POLRMT: variants seen among roughly 807,000 people sequenced by gnomAD.
POLRMT encodes RNA polymerase mitochondrial, also known as DNA-directed RNA polymerase, mitochondrial.
POLRMT carries 114 observed loss-of-function variants against 132.2 expected under a neutral mutation model. That is an observed-to-expected ratio of 0.86 (90% CI 0.74 to 1.01). The LOEUF is 1.01. Ranked by LOEUF, POLRMT falls within the 50% of genes least tolerant of loss-of-function variation. The pLI is 0.00. For synonymous variants in POLRMT, 1,020 were observed against 773.4 expected (o/e 1.32, Z -5.29); for missense variants, 2,003 against 1,729.1 (o/e 1.16, Z -2.81).
rs746830362 is a variant in POLRMT, at chr19:621,748, G to A, written c.1950C>T (p.Cys650=). The stretch of plus-strand genomic sequence containing the variant: ...GCGGCGATGTCCAGGGCAGCGGGGG[G>A]CAAAGCATGGGTACATCCACCGCCT... ...TFEAVDVPML[C]PPLPWTSPHS... is the part of the protein sequence containing the mutation. Residue 650 remains cysteine (C), a synonymous_variant, in exon 10 of 21, where the codon TGC becomes TGT. Coordinates refer to ENST00000588649, the MANE Select transcript of POLRMT (RefSeq NM_005035.4). The A allele has an allele frequency of 6.2e-6, 10 of 1,600,678 alleles. No individual in the cohort carries two copies. Among genetic ancestry groups the A allele is most frequent in the South Asian group, 3.3e-5 (3 of 90,996 alleles).
intron 4 of POLRMT, 26 bp from the exon 5 acceptor site, chr19:624,931 G>C: frequency 6.3e-7 from 1 of 1,587,598 alleles, no homozygotes; most frequent in Non-Finnish European, 8.6e-7. Flanking sequence ...CCTGCTCGAG[G>C]GACGGGCCAG....
rs113530246 is a variant in POLRMT at position 619,569 on chromosome 19, C to T, written c.3066+17G>A. 116 of 1,611,380 alleles carry T rather than the reference C, an allele frequency of 7.2e-5. No individual in the cohort carries two copies. The African/African-American group carries it at 1.4e-3, about 20-fold the overall frequency. ...CAGTGAAACCAACGTGTTCGCAGCG[C>T]GACATGCCTGGCGCACCTGGGGAAA... On this transcript the variant is annotated intron_variant, in intron 13 of 20. Coordinates refer to ENST00000588649, the MANE Select transcript of POLRMT (RefSeq NM_005035.4).
In POLRMT at chr19:619,952, C is replaced by A. The variant is rs1478170677; in HGVS notation, c.2886+6G>T. 1.2e-6 allele frequency: 2 copies of A among 1,602,074 alleles called. No homozygotes were observed. The highest frequency in any genetic ancestry group is 2.2e-5 in the East Asian group (1 of 44,754). ...AGATGCCCCCGGGCAGCAGGGCACACCCTACCTGCGCGGCCACGCCGCTGT... is the reference window on the plus strand; with the variant it reads ...AGATGCCCCCGGGCAGCAGGGCACAACCTACCTGCGCGGCCACGCCGCTGT... On this transcript the variant is annotated splice_donor_region_variant and intron_variant, in intron 12 of 20. Coordinates refer to ENST00000588649, the MANE Select transcript of POLRMT (RefSeq NM_005035.4).
Position 625,260 on chromosome 19 carries a change from A to G in POLRMT, c.823-6T>C, listed in dbSNP as rs1422797963. 1 of 1,613,696 alleles carries G rather than the reference A, an allele frequency of 6.2e-7. No individual in the cohort carries two copies. Among genetic ancestry groups the G allele is most frequent in the South Asian group, 1.1e-5 (1 of 91,050 alleles). ...ACCAGCTCCTTGAAGGCACCCTGGG[A>G]GACCAAGCCAGGGTGAGGGTCTGGG... On this transcript the variant is annotated splice_region_variant and splice_polypyrimidine_tract_variant and intron_variant, in intron 3 of 20. Coordinates refer to ENST00000588649, the MANE Select transcript of POLRMT (RefSeq NM_005035.4).
At chr19:618,800 C>T in intron 15 of POLRMT, 40 bp from the exon 16 acceptor site, 1 of 1,560,532 alleles carries the variant, frequency 6.4e-7, no homozygotes, top group Non-Finnish European at 8.7e-7. Flanking sequence ...ACCCGAGGCC[C>T]AGCACGGTGG....
chr19:618,788 C>A, intron 15 of POLRMT, 28 bp from the exon 16 acceptor site: 1 of 1,572,394 alleles, frequency 6.4e-7, no homozygotes. Flanking sequence ...CCGGTGAGTC[C>A]CACCCGAGGC....
At chr19:618,964 G>T in intron 15 of POLRMT, 33 bp downstream of exon 15, 2 of 1,496,262 alleles carry the variant, frequency 1.3e-6, no homozygotes, top group Non-Finnish European at 9.1e-7. Context: ...TGGGATGGTG[G>T]CACACTGGGG....
intron 3 of POLRMT, among the ~76,000 whole-genome samples, chr19:628,159 C>G (rs1028265648): frequency 6.6e-6 from 1 of 152,138 alleles, no homozygotes; most frequent in Non-Finnish European, 1.5e-5. Flanking sequence ...GGAGAGACTT[C>G]GGGTCTGCAG....
intron 2 of POLRMT, among the ~76,000 whole-genome samples, chr19:631,422 G>A (rs1042345184): frequency 1.3e-5 from 2 of 151,008 alleles, no homozygotes; most frequent in East Asian, 2.0e-4. Context: ...GGCGGATCAC[G>A]AGGTCAGGAG....
intron 3 of POLRMT, among the ~76,000 whole-genome samples, chr19:626,355 T>C (rs529399020): frequency 6.6e-6 from 1 of 151,530 alleles, no homozygotes; most frequent in African/African-American, 2.4e-5. Flanking sequence ...GGTTTCGCCC[T>C]GTTGGCCAGG....
intron 17 of POLRMT, 158 bp from the exon 18 acceptor site, chr19:618,007 A>G: frequency 1.6e-6 from 1 of 623,154 alleles, no homozygotes; most frequent in Middle Eastern, 4.1e-4. Context: ...CTCCCCAAAC[A>G]TCCTGGGTTA....
intron 9 of POLRMT, 151 bp downstream of exon 9, chr19:621,998 C>A: frequency 8.6e-7 from 1 of 1,168,816 alleles, no homozygotes; most frequent in African/African-American, 1.5e-5. Context: ...AACGGCCGGA[C>A]ACCTGCATGG....
intron 8 of POLRMT, 92 bp from the exon 9 acceptor site, chr19:622,465 A>C (rs1371011667): frequency 1.2e-5 from 18 of 1,458,262 alleles, no homozygotes; most frequent in Admixed American, 2.5e-5. Flanking sequence ...GGCATCTGTC[A>C]GCCCAAGCAT....
intron 5 of POLRMT, 71 bp from the exon 6 acceptor site, chr19:623,674 G>C: frequency 6.5e-7 from 1 of 1,544,904 alleles, no homozygotes; most frequent in Non-Finnish European, 8.9e-7. Flanking sequence ...CCCCGAGACA[G>C]CATGGGTGCA....
intron 3 of POLRMT, among the ~76,000 whole-genome samples, chr19:625,744 C>G (rs943054598): frequency 1.3e-5 from 2 of 152,204 alleles, no homozygotes. Context: ...CTCTGTTGCC[C>G]AGGCTGGAGT....
rs534232866 is a variant in POLRMT at position 619,109 on chromosome 19, T to G, written c.3155A>C (p.His1052Pro). Residue 1052 changes from histidine to proline, a missense_variant and splice_region_variant, in exon 15 of 21, where the codon CAC becomes CCC. His to Pro is a moderately conservative substitution (Grantham distance 77). Coordinates refer to ENST00000588649, the MANE Select transcript of POLRMT (RefSeq NM_005035.4). ...GAGGCGGGCACTCTCGGTCAGCCAGTGCTGTGGGACACAGGCCGTCTCAGG... is the reference window on the plus strand; with the variant it reads ...GAGGCGGGCACTCTCGGTCAGCCAGGGCTGTGGGACACAGGCCGTCTCAGG... ...EMFSGTRAIQ[H>P]WLTESARLIS... is the part of the protein sequence containing the mutation. The G allele has an allele frequency of 3.1e-6, 5 of 1,611,560 alleles. No homozygotes were observed. In the South Asian group the frequency reaches 4.4e-5, roughly 14 times the overall value.
rs749722950 is a variant in POLRMT at position 621,295 on chromosome 19, G to A, written c.2403C>T (p.Asp801=). 23 of 1,602,970 alleles carry A rather than the reference G, an allele frequency of 1.4e-5. No homozygotes were observed. The East Asian group carries it at 4.9e-4, about 34-fold the overall frequency. The change falls in exon 10 of 21, where the codon GAC becomes GAT. Residue 801 remains aspartate, a synonymous_variant. Transcript: ENST00000588649. Reference sequence around the variant, plus strand: ...GGCAGGGGTAGGTGCGGCCGCGGAAGTCCATGTTGTGCGGCAGCCAGAAGA... The same window carrying A: ...GGCAGGGGTAGGTGCGGCCGCGGAAATCCATGTTGTGCGGCAGCCAGAAGA... ...DRVFWLPHNM[D]FRGRTYPCPP...
At chr19:633,351 CA>C in intron 1 of POLRMT, 73 bp downstream of exon 1, 2 of 1,386,268 alleles carry the variant, frequency 1.4e-6, no homozygotes, top group Non-Finnish European at 1.9e-6. Flanking sequence ...GTCAAAGCGC[CA>C]AAGGCCCCGG....
chr19:617,296 C>A lies in POLRMT; in HGVS notation c.3671G>T (p.Arg1224Leu), dbSNP rs750945052. 22 of 1,612,888 alleles carry A rather than the reference C, an allele frequency of 1.4e-5. 1 individual carries two copies. Among genetic ancestry groups the A allele is most frequent in the Non-Finnish European group, 1.8e-5 (21 of 1,179,882 alleles). The change falls in exon 21 of 21, where the codon CGT becomes CTT. Residue 1224 changes from arginine to leucine, a missense_variant. Transcript: ENST00000588649. ...GTGTCAGCTGAAGAAGTAGGTGGAACGCTTCACCTGCTCCAGGTCGAAGGC... is the reference window on the plus strand; with the variant it reads ...GTGTCAGCTGAAGAAGTAGGTGGAAAGCTTCACCTGCTCCAGGTCGAAGGC... ...PGAFDLEQVK[R>L]STYFFS
Sources: gnomAD v4.1 joint callset for allele counts (sites outside exome capture counted in the v4.1 genomes callset) on GRCh38, gnomAD v4.1.1 for gene constraint, MANE v1.5 for transcripts, NCBI Gene and HGNC (gene_info 2026-07-23, HGNC 2026-07-21) for gene names.